TLE6: variants seen among roughly 807,000 people sequenced by gnomAD.
The protein encoded by TLE6 is transducin-like enhancer protein 6.
Under a neutral mutation model 77.1 loss-of-function variants are expected in TLE6, and 72 were observed. That is an observed-to-expected ratio of 0.93 (90% confidence interval 0.77 to 1.14). The LOEUF (loss-of-function observed/expected upper bound fraction) is 1.14. Ranked by LOEUF, TLE6 falls within the 50% of genes most tolerant of loss-of-function variation. TLE6 has a pLI of 0.00. For synonymous variants in TLE6, 366 were observed against 287.3 expected (o/e 1.27, Z -2.77); for missense variants, 843 against 747.6 (o/e 1.13, Z -1.49).
intron 13 of TLE6, among the ~76,000 whole-genome samples, chr19:2,991,041 C>CAT (rs1555686193): frequency 7.3e-4 from 53 of 72,816 alleles, no homozygotes; most frequent in African/African-American, 5.9e-3. Flanking sequence ...TACATACATA[C>CAT]ATATATGTAT....
In TLE6 at chr19:2,993,526, G is replaced by A. The variant is rs143898372; in HGVS notation, c.1481G>A (p.Arg494Gln). 2.3e-4 allele frequency: 362 copies of A among 1,590,408 alleles called. No individual in the cohort carries two copies. The highest frequency in any genetic ancestry group is 2.7e-4 in the Non-Finnish European group (308 of 1,162,244). The change falls in exon 15 of 17, where the codon CGG becomes CAG. Residue 494 changes from arginine to glutamine, a missense_variant. Transcript: ENST00000246112. ...QWLQSTSGSQRHMVGQKDSVI... is the reference protein window; with the variant it reads ...QWLQSTSGSQQHMVGQKDSVI... ...CTGCAAAGCACCAGCGGGAGCCAGC[G>A]GCACATGGTGGGGCAAAAAGACAGC...
In TLE6 at chr19:2,987,699, C is replaced by T. The variant is rs566863304; in HGVS notation, c.559-25C>T. 7.7e-5 allele frequency: 124 copies of T among 1,613,948 alleles called. No individual in the cohort carries two copies. In the South Asian group the frequency reaches 1.3e-3, roughly 17 times the overall value. ...GGTCCTAACAGGCAGGTCAGCAGGC[C>T]TGATGAGACTTTTCCATTTTCCAGG... On this transcript the variant is annotated intron_variant, in intron 8 of 16. Transcript: ENST00000246112.
rs1011572062 is a variant in TLE6 at position 2,988,945 on chromosome 19, C to T, written c.741-116C>T. ...GGGAGTCTAGAGGGTAAAACAAGGC[C>T]TGAGAGAGGGACCCCAAAATCTGAA... On this transcript the variant is annotated intron_variant, in intron 11 of 16. Coordinates refer to ENST00000246112, the MANE Select transcript of TLE6 (RefSeq NM_001143986.2). The T allele has an allele frequency of 3.4e-6, 5 of 1,476,356 alleles. No individual in the cohort carries two copies. In the African/African-American group the frequency reaches 4.2e-5, roughly 12 times the overall value. The allele number at this position is 1,476,356 out of a possible 1,614,324, so 91.5% of individuals were successfully genotyped here.
At chr19:2,978,762 AT>A (rs976286693) in intron 2 of TLE6, among the ~76,000 whole-genome samples, 5 of 152,142 alleles carry the variant, frequency 3.3e-5, no homozygotes, top group African/African-American at 4.8e-5. Context: ...CTAAAAAAAA[AT>A]GTAGCATCTA....
chr19:2,991,376 G>GTATATATA (rs369766984), intron 13 of TLE6, among the ~76,000 whole-genome samples: 1,588 of 105,438 alleles, frequency 0.015, 25 homozygotes, highest in South Asian at 0.032. Context: ...AAAAAAATAC[G>GTATATATA]TATATATATA....
At position 2,995,170 on chromosome 19, in the gene TLE6, G is replaced by A. The variant is rs547299022; in HGVS notation, c.*166G>A. 1.5e-4 allele frequency: 76 copies of A among 492,420 alleles called. No homozygotes were observed. Among genetic ancestry groups the A allele is most frequent in the Middle Eastern group, 1.1e-3 (2 of 1,820 alleles). The allele number at this position is 492,420 out of a possible 1,614,324, so 30.5% of individuals were successfully genotyped here. ...CGCCATCACGTGTAATAAAGCACCC[G>A]GGAAAGGCAGAGTGTGGACGCGTCC... On this transcript the variant is annotated 3_prime_UTR_variant, in exon 17 of 17. Transcript: ENST00000246112.
intron 3 of TLE6, among the ~76,000 whole-genome samples, chr19:2,980,948 G>C (rs1253865609): frequency 6.6e-6 from 1 of 151,794 alleles, no homozygotes; most frequent in African/African-American, 2.4e-5. Flanking sequence ...CTACTCAGGA[G>C]ACTGAGGCAG....
rs764729766 is a variant in TLE6, at chr19:2,993,462, G to A, written c.1417G>A (p.Asp473Asn). 12 of 1,603,866 alleles carry A rather than the reference G, an allele frequency of 7.5e-6. No homozygotes were observed. In the South Asian group the frequency reaches 1.2e-4, roughly 16 times the overall value. The change falls in exon 15 of 17, where the codon GAC becomes AAC. Residue 473 changes from aspartate (D) to asparagine (N), a missense_variant. Coordinates refer to ENST00000246112, the MANE Select transcript of TLE6 (RefSeq NM_001143986.2). ...IMSLSHSPQE[D>N]WVLLGMANGQ... ...GAGCCTGTCCCACAGCCCCCAGGAG[G>A]ACTGGGTGCTGCTGGGCATGGCCAA...
intron 5 of TLE6, among the ~76,000 whole-genome samples, chr19:2,986,559 C>A (rs192514438): frequency 2.8e-4 from 42 of 151,008 alleles, no homozygotes; most frequent in African/African-American, 1.0e-3. Context: ...ACTAAAAATA[C>A]AAAAATTAGC....
chr19:2,978,363 C>A, intron 2 of TLE6, 79 bp downstream of exon 2: 1 of 1,442,954 alleles, frequency 6.9e-7, no homozygotes, highest in Non-Finnish European at 9.5e-7. Flanking sequence ...CCACCTGTGA[C>A]CTGGGCTGGC....
At chr19:2,978,096 C>T (rs2088714629) in intron 1 of TLE6, 102 bp from the exon 2 acceptor site, 2 of 833,324 alleles carry the variant, frequency 2.4e-6, no homozygotes, top group Non-Finnish European at 3.9e-6. Flanking sequence ...TCCCTGGAGA[C>T]TTACCAAACT....
At chr19:2,988,907 G>GC in intron 11 of TLE6, 154 bp from the exon 12 acceptor site, 1 of 1,045,768 alleles carries the variant, frequency 9.6e-7, no homozygotes, top group Non-Finnish European at 1.4e-6. Flanking sequence ...AGGAATATGA[G>GC]CAGGACATTG....
At chr19:2,989,816 C>A in intron 13 of TLE6, 31 bp downstream of exon 13, 2 of 1,607,168 alleles carry the variant, frequency 1.2e-6, no homozygotes, top group Non-Finnish European at 1.7e-6. Context: ...GGGGAAGCAT[C>A]CTGTGCCAGC....
Position 2,995,058 on chromosome 19 carries a change from C to CG in TLE6, c.*54_*55insG. The CG allele has an allele frequency of 2.1e-6, 2 of 971,170 alleles. No homozygotes were observed. Among genetic ancestry groups the CG allele is most frequent in the Admixed American group, 2.2e-5 (1 of 44,676 alleles). 60.2% of individuals were successfully genotyped at this position (971,170 alleles called of 1,614,324 possible). Reference sequence around the variant, plus strand: ...GCTCCTCTTTTCATCCCCCCCCTTCCCCCCCCCCAACAAGGGGGACATGGT... The same window carrying CG: ...GCTCCTCTTTTCATCCCCCCCCTTCCGCCCCCCCCAACAAGGGGGACATGGT... On this transcript the variant is annotated 3_prime_UTR_variant, in exon 17 of 17. Transcript: ENST00000246112.
rs529227877 is a variant in TLE6, at chr19:2,993,451, G to A, written c.1406G>A (p.Ser469Asn). ...FKSQIMSLSH[S>N]PQEDWVLLGM... ...ACCTAGATAATGAGCCTGTCCCACA[G>A]CCCCCAGGAGGACTGGGTGCTGCTG... The change falls in exon 15 of 17, where the codon AGC becomes AAC. Residue 469 changes from serine to asparagine, a missense_variant. Coordinates refer to ENST00000246112, the MANE Select transcript of TLE6 (RefSeq NM_001143986.2). 1.2e-6 allele frequency: 2 copies of A among 1,601,832 alleles called. No individual in the cohort carries two copies. Among genetic ancestry groups the A allele is most frequent in the South Asian group, 1.1e-5 (1 of 90,676 alleles).
intron 2 of TLE6, among the ~76,000 whole-genome samples, chr19:2,979,481 A>T (rs1355754341): frequency 6.7e-6 from 1 of 150,244 alleles, no homozygotes; most frequent in African/African-American, 2.5e-5. Flanking sequence ...TCCTGACCTC[A>T]GGTGTTCTGC....
rs1434322922 is a variant in TLE6 at position 2,989,649 on chromosome 19, C to T, written c.1108C>T (p.His370Tyr). The T allele has an allele frequency of 6.2e-7, 1 of 1,614,108 alleles. No individual in the cohort carries two copies. The highest frequency in any genetic ancestry group is 1.3e-5 in the African/African-American group (1 of 74,948). Residue 370 changes from histidine (H) to tyrosine (Y), a missense_variant, in exon 13 of 17, where the codon CAT (histidine) becomes TAT (tyrosine). Coordinates refer to ENST00000246112, the MANE Select transcript of TLE6 (RefSeq NM_001143986.2). ...SVWDLAAPSLHVKEQLPCAGL... is the reference protein window; with the variant it reads ...SVWDLAAPSLYVKEQLPCAGL... ...GTGGGACCTGGCGGCGCCCTCCCTG[C>T]ATGTGAAGGAGCAGTTGCCCTGTGC... is the stretch of plus-strand genomic sequence containing the variant.
chr19:2,977,701 G>A lies in TLE6; in HGVS notation c.-37+91G>A, dbSNP rs1315841691. 12 of 154,708 alleles carry A rather than the reference G, an allele frequency of 7.8e-5. No homozygotes were observed. The South Asian group carries it at 1.4e-3, about 18-fold the overall frequency. 9.6% of individuals were successfully genotyped at this position (154,708 alleles called of 1,614,324 possible). A position where few individuals can be genotyped will look rare whatever the true frequency, so the allele number is the denominator to read the frequency against. On this transcript the variant is annotated intron_variant, in intron 1 of 16. Transcript: ENST00000246112. ...GAAGGGGCTGCAGGGGCGTGGAGGGGCAGGACTGAGGCAAGGAAGAAGCTG... is the reference window on the plus strand; with the variant it reads ...GAAGGGGCTGCAGGGGCGTGGAGGGACAGGACTGAGGCAAGGAAGAAGCTG...
intron 4 of TLE6, among the ~76,000 whole-genome samples, 158 bp from the exon 5 acceptor site, chr19:2,981,990 A>G (rs552032180): frequency 6.6e-6 from 1 of 152,272 alleles, no homozygotes; most frequent in African/African-American, 2.4e-5. Context: ...GGTAGGGACC[A>G]TACATCAGTG....
Sources: allele counts gnomAD v4.1 joint callset (sites outside exome capture counted in the v4.1 genomes callset), GRCh38; gene constraint gnomAD v4.1.1; transcripts MANE v1.5; gene names NCBI Gene and HGNC (gene_info 2026-07-23, HGNC 2026-07-21).